NPSR1: variants seen among roughly 807,000 people sequenced by gnomAD.
NPSR1 encodes the protein neuropeptide S receptor 1, also known as neuropeptide S receptor.
In NPSR1, 48 loss-of-function variants were observed where a neutral mutation model predicts 46.9. The observed-to-expected ratio is 1.02, with a 90% CI of 0.81 to 1.30. The LOEUF (loss-of-function observed/expected upper bound fraction) is 1.30, where lower values mean the gene tolerates loss of function less well. Ranked by LOEUF, NPSR1 falls within the 50% of genes most tolerant of loss-of-function variation. The pLI, the probability that NPSR1 is intolerant of heterozygous loss-of-function variation, is 0.00. For synonymous variants in NPSR1, 176 were observed against 168.1 expected, an observed-to-expected ratio of 1.05 and a Z score of -0.36; for missense variants, 450 against 449.5, an observed-to-expected ratio of 1.00 and a Z score of -0.01.
At chr7:34,765,319 G>C (rs1374669374) in intron 2 of NPSR1, among the ~76,000 whole-genome samples, 1 of 152,084 alleles carries the variant, frequency 6.6e-6, no homozygotes, top group African/African-American at 2.4e-5. Context: ...GAACCAAACA[G>C]AGACATGACT....
intron 8 of NPSR1, among the ~76,000 whole-genome samples, chr7:34,870,403 T>C (rs1434360879): frequency 1.3e-5 from 2 of 151,828 alleles, no homozygotes; most frequent in Non-Finnish European, 2.9e-5. Flanking sequence ...ACAGCTGTCA[T>C]CAGACTTCAT....
chr7:34,668,421 T>TA, intron 1 of NPSR1, among the ~76,000 whole-genome samples: 1 of 152,290 alleles, frequency 6.6e-6, no homozygotes, highest in Admixed American at 6.5e-5. Context: ...AGGTTAAGAT[T>TA]AAAATGCAAA....
exon 9 of NPSR1, chr7:34,878,207 G>C: frequency 7.1e-7 from 1 of 1,402,916 alleles, no homozygotes; most frequent in East Asian, 2.4e-5. Context: ...TGTGCTGCAG[G>C]TGGCCCTGTG....
chr7:34,791,466 C>A (rs1020165246), intron 3 of NPSR1, among the ~76,000 whole-genome samples: 5 of 149,918 alleles, frequency 3.3e-5, no homozygotes, highest in Non-Finnish European at 7.4e-5. Context: ...TACAATAACT[C>A]CAAAAAGAAT....
intron 2 of NPSR1, among the ~76,000 whole-genome samples, chr7:34,721,256 C>T (rs766401815): frequency 4.0e-5 from 6 of 151,790 alleles, no homozygotes; most frequent in South Asian, 2.1e-4. Context: ...ATTTCCAGAA[C>T]GTCAAAGGAA....
At chr7:34,796,863 A>G (rs1421739717) in intron 3 of NPSR1, among the ~76,000 whole-genome samples, 1 of 152,212 alleles carries the variant, frequency 6.6e-6, no homozygotes, top group Non-Finnish European at 1.5e-5. Context: ...ATTCCCACAA[A>G]CACCTGCATA....
intron 3 of NPSR1, among the ~76,000 whole-genome samples, chr7:34,803,801 A>G (rs1205694726): frequency 6.6e-6 from 1 of 151,886 alleles, no homozygotes; most frequent in Non-Finnish European, 1.5e-5. Flanking sequence ...TAATATCAGA[A>G]ATGAAAGAGG....
chr7:34,821,426 C>A (rs777524047), intron 4 of NPSR1, among the ~76,000 whole-genome samples: 20 of 152,014 alleles, frequency 1.3e-4, no homozygotes, highest in Admixed American at 9.2e-4. Context: ...GCACCTGGCC[C>A]GTGATACACT....
At chr7:34,662,525 G>A (rs941603264) in intron 1 of NPSR1, among the ~76,000 whole-genome samples, 4 of 152,038 alleles carry the variant, frequency 2.6e-5, no homozygotes, top group South Asian at 2.1e-4. Context: ...ACCCCCAAAT[G>A]TATCTCCTGC....
chr7:34,809,236 A>AT (rs966419222), intron 3 of NPSR1, among the ~76,000 whole-genome samples: 41 of 149,434 alleles, frequency 2.7e-4, no homozygotes, highest in South Asian at 2.1e-3. Flanking sequence ...TAGACGATCG[A>AT]TTTTTTTTTT....
chr7:34,805,020 T>C (rs1313022591), intron 3 of NPSR1, among the ~76,000 whole-genome samples: 1 of 149,666 alleles, frequency 6.7e-6, no homozygotes, highest in Non-Finnish European at 1.5e-5. Flanking sequence ...ACAAAACTGA[T>C]GGAAAAAAAA....
At chr7:34,830,351 T>C (rs1399572933) in intron 5 of NPSR1, among the ~76,000 whole-genome samples, 2 of 152,108 alleles carry the variant, frequency 1.3e-5, no homozygotes, top group East Asian at 1.9e-4. Flanking sequence ...ATTTACCAAA[T>C]TGACAGAAAA....
intron 2 of NPSR1, among the ~76,000 whole-genome samples, chr7:34,772,342 C>G (rs2128733813): frequency 1.3e-5 from 2 of 152,276 alleles, no homozygotes; most frequent in Middle Eastern, 6.8e-3. Context: ...GATTAATCCC[C>G]AAAGTTGCAG....
intron 2 of NPSR1, among the ~76,000 whole-genome samples, chr7:34,722,029 A>G (rs10242970): frequency 1.1e-3 from 163 of 152,242 alleles, no homozygotes; most frequent in African/African-American, 3.8e-3. Flanking sequence ...TTTATTTTAT[A>G]GAGAAAAGGA....
At chr7:34,837,371 A>G (rs911463082) in intron 6 of NPSR1, among the ~76,000 whole-genome samples, 4 of 152,196 alleles carry the variant, frequency 2.6e-5, no homozygotes, top group African/African-American at 9.7e-5. Flanking sequence ...AGGCCCACTC[A>G]AAGCCATCGT....
At chr7:34,810,872 G>T (rs1317439189) in intron 3 of NPSR1, among the ~76,000 whole-genome samples, 1 of 152,186 alleles carries the variant, frequency 6.6e-6, no homozygotes, top group Non-Finnish European at 1.5e-5. Flanking sequence ...CTGCTTCCTG[G>T]TGTGGAGATG....
chr7:34,751,893 G>GGGACCGTCTCCCGCAGTCACT, intron 2 of NPSR1: 1 of 1,522,364 alleles, frequency 6.6e-7, no homozygotes, highest in Non-Finnish European at 9.1e-7. Flanking sequence ...AAAGCCTTTC[G>GGGACCGTCTCCCGCAGTCACT]GGACCGTCTC....
intron 2 of NPSR1, among the ~76,000 whole-genome samples, chr7:34,691,376 T>A (rs535672020): frequency 1.3e-3 from 196 of 152,256 alleles, no homozygotes; most frequent in African/African-American, 4.6e-3. Context: ...TTAATATTAA[T>A]CTTGAATGCA....
chr7:34,844,867 A>G (rs1358893692), intron 6 of NPSR1, 29 bp from the exon 7 acceptor site: 6 of 1,374,372 alleles, frequency 4.4e-6, no homozygotes, highest in Non-Finnish European at 5.2e-6. Flanking sequence ...TGAACACTTC[A>G]TCTTACTATT....
Sources: allele counts gnomAD v4.1 joint callset (sites outside exome capture counted in the v4.1 genomes callset), GRCh38; gene constraint gnomAD v4.1.1; transcripts MANE v1.5; gene names NCBI Gene and HGNC (gene_info 2026-07-23, HGNC 2026-07-21).